WNK3: variants seen among roughly 807,000 people sequenced by gnomAD.
WNK3 encodes the protein WNK lysine deficient protein kinase 3, also known as serine/threonine-protein kinase WNK3.
In WNK3, 18 loss-of-function variants were observed where a neutral mutation model predicts 116.7. The observed-to-expected ratio is 0.15, with a 90% CI of 0.11 to 0.23. WNK3 has a LOEUF of 0.23. Ranked by LOEUF, WNK3 falls within the 10% of genes least tolerant of loss-of-function variation. WNK3 has a pLI of 1.00. For missense variants in WNK3, 993 were observed against 1,323.8 expected (o/e 0.75, Z 3.88); for synonymous variants, 404 against 469.4 (o/e 0.86, Z 1.80).
intron 10 of WNK3, among the ~76,000 whole-genome samples, chrX:54,275,248 G>A (rs1244733560): frequency 1.8e-5 from 2 of 108,880 alleles, no homozygotes; most frequent in African/African-American, 6.7e-5. Context: ...CCTGGGAGGC[G>A]GAGGTTGCAG....
chrX:54,232,427 C>T (rs1557149185), intron 21 of WNK3, among the ~76,000 whole-genome samples: 2 of 111,584 alleles, frequency 1.8e-5, no homozygotes, highest in African/African-American at 6.5e-5. Context: ...CAGGCGTGAG[C>T]CACTGCGCCT....
intron 2 of WNK3, among the ~76,000 whole-genome samples, chrX:54,317,662 C>T (rs1483783245): frequency 2.8e-5 from 3 of 106,629 alleles, no homozygotes; most frequent in Non-Finnish European, 3.9e-5. Context: ...GACGGAATCT[C>T]GCTCTGTCGC....
At chrX:54,281,142 C>G (rs1557162302) in intron 10 of WNK3, among the ~76,000 whole-genome samples, 1 of 111,191 alleles carries the variant, frequency 9.0e-6, no homozygotes, top group Non-Finnish European at 1.9e-5. Context: ...TCAATCACAA[C>G]ACAAAGTTAC....
At chrX:54,257,715 A>G (rs2068208461) in intron 11 of WNK3, among the ~76,000 whole-genome samples, 1 of 98,232 alleles carries the variant, frequency 1.0e-5, no homozygotes, top group Non-Finnish European at 2.0e-5. Flanking sequence ...GCTTGAACCC[A>G]GGAGGTGGAG....
intron 22 of WNK3, among the ~76,000 whole-genome samples, chrX:54,208,745 C>A (rs1430156790): frequency 8.0e-5 from 9 of 111,843 alleles, no homozygotes; most frequent in Non-Finnish European, 1.5e-4. Context: ...TTCACCAGGT[C>A]TCCAAGGACT....
At chrX:54,248,973 G>A (rs1468520719) in exon 17 of WNK3, 6 of 1,210,023 alleles carry the variant, frequency 5.0e-6, no homozygotes, top group Non-Finnish European at 6.7e-6. Flanking sequence ...TAGAGATGCT[G>A]TGCTCCTGAT....
chrX:54,257,857 G>A (rs993547719), intron 11 of WNK3, among the ~76,000 whole-genome samples: 4 of 97,083 alleles, frequency 4.1e-5, no homozygotes, highest in African/African-American at 1.1e-4. Context: ...ATATCCAAAC[G>A]CCCAGGAGAC....
At chrX:54,345,068 T>C (rs1205407594) in intron 1 of WNK3, among the ~76,000 whole-genome samples, 2 of 108,127 alleles carry the variant, frequency 1.8e-5, no homozygotes, top group African/African-American at 6.8e-5. Flanking sequence ...GCTAACACGG[T>C]GAAACCCCGT....
At chrX:54,302,925 G>C (rs1348279801) in intron 5 of WNK3, among the ~76,000 whole-genome samples, 4 of 97,409 alleles carry the variant, frequency 4.1e-5, no homozygotes, top group Non-Finnish European at 8.1e-5. Context: ...CACCAAACTC[G>C]GCTAATTTTT....
Position 54,309,435 on chromosome X carries a change from T to C in WNK3, c.711-120A>G, listed in dbSNP as rs2068861210. ...CACTATGATTCCCATCACTGAGTTG[T>C]TTTCTATTGTCTGTTATGGCAAAAC... On this transcript the variant is annotated intron_variant, in intron 3 of 23. Transcript: ENST00000354646. 3 of 527,625 alleles carry C rather than the reference T, an allele frequency of 5.7e-6. No individual in the cohort carries two copies. The Admixed American group carries it at 1.1e-4, about 20-fold the overall frequency. 43.5% of individuals were successfully genotyped at this position (527,625 alleles called of 1,213,427 possible). A position where few individuals can be genotyped will look rare whatever the true frequency, so the allele number is the denominator to read the frequency against.
chrX:54,224,060 G>C (rs1557147128), intron 22 of WNK3: 1 of 120,993 alleles, frequency 8.3e-6, no homozygotes, highest in African/African-American at 3.2e-5. Context: ...AAAGGCTTAA[G>C]AACTTCCCAT....
intron 11 of WNK3, among the ~76,000 whole-genome samples, chrX:54,258,296 A>AAG (rs1258147113): frequency 6.1e-4 from 66 of 108,210 alleles, no homozygotes; most frequent in African/African-American, 2.2e-3. Flanking sequence ...AAAAAAAAAA[A>AAG]AGAACAAGAT....
Position 54,343,379 on chromosome X carries a change from C to T in WNK3, c.-119-9587G>A, listed in dbSNP as rs781890980. Among the ~76,000 whole-genome samples the T allele has an allele frequency of 1.5e-4, 16 of 109,774 alleles. No individual in the cohort carries two copies. The South Asian group carries it at 6.1e-3, about 42-fold the overall frequency. ...AAAATTAGCCGAGCATGGTGGCAGG[C>T]GCCTGTAATCCCAACTACTCGGGAG... On this transcript the variant is annotated intron_variant, in intron 1 of 23. Coordinates refer to ENST00000354646, the Ensembl canonical transcript of WNK3.
chrX:54,249,836 A>G (rs781860311), intron 16 of WNK3, among the ~76,000 whole-genome samples, 158 bp downstream of exon 16: 54 of 112,004 alleles, frequency 4.8e-4, no homozygotes, highest in Non-Finnish European at 8.8e-4. Flanking sequence ...ATTAAATAGG[A>G]AATGGCTTAA....
At chrX:54,223,893 TCA>T in intron 22 of WNK3, 1 of 137,006 alleles carries the variant, frequency 7.3e-6, no homozygotes, top group Non-Finnish European at 1.5e-5. Context: ...ACTGTCGCCT[TCA>T]CACAGATTAA....
intron 22 of WNK3, among the ~76,000 whole-genome samples, chrX:54,213,553 C>CAAAAAAAAAAAAA (rs782580375): frequency 1.6e-3 from 23 of 14,269 alleles, no homozygotes; most frequent in African/African-American, 4.5e-3. Flanking sequence ...GACTCCGTCT[C>CAAAAAAAAAAAAA]AAAAAAAAAA....
chrX:54,265,084 A>G (rs1055127699), intron 10 of WNK3, among the ~76,000 whole-genome samples: 1 of 111,588 alleles, frequency 9.0e-6, no homozygotes, highest in Non-Finnish European at 1.9e-5. Flanking sequence ...AGTAAACCAC[A>G]CTTCAGTACA....
chrX:54,312,751 TTTCC>T (rs1366985348), intron 2 of WNK3, among the ~76,000 whole-genome samples: 2 of 111,620 alleles, frequency 1.8e-5, no homozygotes, highest in Non-Finnish European at 3.8e-5. Context: ...TTCTCATTCC[TTTCC>T]TTGTGTATTT....
intron 1 of WNK3, among the ~76,000 whole-genome samples, chrX:54,343,327 T>TG (rs1297926394): frequency 9.1e-6 from 1 of 110,124 alleles, no homozygotes; most frequent in African/African-American, 3.3e-5. Flanking sequence ...GCCAAGCTGA[T>TG]GAAACCCCGT....
Sources: gnomAD v4.1 joint callset for allele counts (sites outside exome capture counted in the v4.1 genomes callset) on GRCh38, gnomAD v4.1.1 for gene constraint, MANE v1.5 for transcripts, NCBI Gene and HGNC (gene_info 2026-07-23, HGNC 2026-07-21) for gene names.